The following ITLN2 variants were observed in gnomAD, a reference collection of about 807,000 sequenced individuals.
The protein encoded by ITLN2 is intelectin 2, also known as intelectin-2.
Under a neutral mutation model 39.4 loss-of-function variants are expected in ITLN2, and 29 were observed. The observed-to-expected ratio is 0.74, with a 90% CI of 0.55 to 1.00. The LOEUF is 1.00. ITLN2 is among the 50% of genes least tolerant of loss of function. The probability of loss-of-function intolerance (pLI) is 0.00; values close to 1 mark genes in which losing one functional copy is unlikely to be tolerated. For synonymous variants in ITLN2, 156 were observed against 153.4 expected, an observed-to-expected ratio of 1.02 and a Z score of -0.12; for missense variants, 412 against 416.7, an observed-to-expected ratio of 0.99 and a Z score of 0.10.
At chr1:160,947,429 G>A (rs1185923148) in intron 7 of ITLN2, among the ~76,000 whole-genome samples, 1 of 152,130 alleles carries the variant, frequency 6.6e-6, no homozygotes, top group Admixed American at 6.5e-5. Flanking sequence ...TACCTCAACT[G>A]CAAAGAAGCC....
At position 160,951,157 on chromosome 1, in the gene ITLN2, A is replaced by AC; in HGVS notation, c.326dup (p.Asp110Ter). Reference sequence around the variant, plus strand: ...TGCCCTGCTGACTGGACCAGCGATCACCCACCGTGCACTTCCCACGCATGT... The same window carrying AC: ...TGCCCTGCTGACTGGACCAGCGATCACCCCACCGTGCACTTCCCACGCATGT... On this transcript the variant is annotated frameshift_variant, in exon 4 of 8. Transcript: ENST00000368029. LOFTEE classifies it high-confidence loss of function. 1 of 1,613,928 alleles carries AC rather than the reference A, an allele frequency of 6.2e-7. No individual in the cohort carries two copies. Among genetic ancestry groups the AC allele is most frequent in the Non-Finnish European group, 8.5e-7 (1 of 1,179,966 alleles).
In ITLN2 at chr1:160,950,080, C is replaced by A; in HGVS notation, c.687G>T (p.Lys229Asn). 1 of 1,613,852 alleles carries A rather than the reference C, an allele frequency of 6.2e-7. No individual in the cohort carries two copies. Among genetic ancestry groups the A allele is most frequent in the Non-Finnish European group, 8.5e-7 (1 of 1,179,742 alleles). Residue 229 changes from lysine to asparagine, a missense_variant, in exon 6 of 8, where the codon AAG (lysine) becomes AAT (asparagine). By Grantham distance (94) the Lys-to-Asn change is moderately conservative (BLOSUM62 0). Coordinates refer to ENST00000368029, the MANE Select transcript of ITLN2 (RefSeq NM_080878.3). ...ACGGTGAGTAATAAGATGCAGTCTT[C>A]TTAGCATCACCAAAGTCATAGACCA... ...IPVVYDFGDA[K>N]KTASYYSPYG... is the part of the protein sequence containing the mutation.
At position 160,954,794 on chromosome 1, in the gene ITLN2, C is replaced by T; in HGVS notation, c.-53G>A. Reference sequence around the variant, plus strand: ...CCCTTCCTGTGGACACTCGGAGCTCCCCTGCAGAGGATCCTGATGAAGGGT... The same window carrying T: ...CCCTTCCTGTGGACACTCGGAGCTCTCCTGCAGAGGATCCTGATGAAGGGT... On this transcript the variant is annotated 5_prime_UTR_variant, in exon 1 of 8. Coordinates refer to ENST00000368029, the MANE Select transcript of ITLN2 (RefSeq NM_080878.3). 1 of 1,601,042 alleles carries T rather than the reference C, an allele frequency of 6.2e-7. No individual in the cohort carries two copies. The highest frequency in any genetic ancestry group is 8.6e-7 in the Non-Finnish European group (1 of 1,169,150).
Position 160,951,088 on chromosome 1 carries a change from G to A in ITLN2, c.396C>T (p.Tyr132=). The change falls in exon 4 of 8, where the codon TAC becomes TAT. Residue 132 remains tyrosine, a synonymous_variant. Transcript: ENST00000368029. ...YPEGDGNWAN[Y]NTFGSAEAAT... ...CCGCCTCTGCAGATCCAAAGGTGTTGTAGTTGGCCCAGTTGCCATCCCCCT... is the reference window on the plus strand; with the variant it reads ...CCGCCTCTGCAGATCCAAAGGTGTTATAGTTGGCCCAGTTGCCATCCCCCT... The A allele has an allele frequency of 6.2e-7, 1 of 1,614,184 alleles. No homozygotes were observed. The highest frequency in any genetic ancestry group is 8.5e-7 in the Non-Finnish European group (1 of 1,180,034).
chr1:160,952,862 T>C (rs1013072927), intron 2 of ITLN2, 129 bp from the exon 3 acceptor site: 5 of 653,120 alleles, frequency 7.7e-6, no homozygotes, highest in Non-Finnish European at 1.3e-5. Context: ...TTCCCTATGC[T>C]AAGACGGTCT....
intron 3 of ITLN2, among the ~76,000 whole-genome samples, chr1:160,952,112 T>C (rs1047298537): frequency 6.6e-6 from 1 of 152,214 alleles, no homozygotes. Context: ...CTGACACTTT[T>C]GCCGATCTTG....
In ITLN2 at chr1:160,950,173, A is replaced by AGACCCAGAAGAAAGGTTTTGT. The variant is rs762060834; in HGVS notation, c.601-28_601-8dup. The AGACCCAGAAGAAAGGTTTTGT allele has an allele frequency of 6.2e-7, 1 of 1,613,796 alleles. No individual in the cohort carries two copies. The highest frequency in any genetic ancestry group is 8.5e-7 in the Non-Finnish European group (1 of 1,179,754). On this transcript the variant is annotated splice_polypyrimidine_tract_variant and splice_region_variant and intron_variant, in intron 5 of 7. Coordinates refer to ENST00000368029, the MANE Select transcript of ITLN2 (RefSeq NM_080878.3). ...TGTATTTCACTGGGTATTTCTGCAG[A>AGACCCAGAAGAAAGGTTTTGT]GACCCAGAAGAAAGGTTTTGTGAGG...
chr1:160,950,473 G>A lies in ITLN2; in HGVS notation c.600+80C>T. ...CACTCAGTAGTGATGTGGAACCACAGGACAGATCTGCCCCCTACCCTAGAC... is the reference window on the plus strand; with the variant it reads ...CACTCAGTAGTGATGTGGAACCACAAGACAGATCTGCCCCCTACCCTAGAC... On this transcript the variant is annotated intron_variant, in intron 5 of 7. Coordinates refer to ENST00000368029, the MANE Select transcript of ITLN2 (RefSeq NM_080878.3). 4 of 1,511,700 alleles carry A rather than the reference G, an allele frequency of 2.6e-6. No homozygotes were observed. The South Asian group carries it at 5.0e-5, about 19-fold the overall frequency. The allele number at this position is 1,511,700 out of a possible 1,614,324, so 93.6% of individuals were successfully genotyped here.
At chr1:160,946,834 T>C (rs1671616192) in intron 7 of ITLN2, among the ~76,000 whole-genome samples, 2 of 149,420 alleles carry the variant, frequency 1.3e-5, no homozygotes, top group Non-Finnish European at 3.0e-5. Context: ...AGTAAGCGAG[T>C]AACCACAGAG....
intron 3 of ITLN2, among the ~76,000 whole-genome samples, chr1:160,952,232 G>A (rs2101940580): frequency 1.3e-5 from 2 of 152,336 alleles, no homozygotes; most frequent in Middle Eastern, 6.8e-3. Context: ...TTGGGCAGAT[G>A]TCACCTGGCC....
intron 2 of ITLN2, among the ~76,000 whole-genome samples, chr1:160,953,863 A>T (rs1205247680): frequency 6.6e-6 from 1 of 152,206 alleles, no homozygotes; most frequent in East Asian, 1.9e-4. Flanking sequence ...AAATGAGATG[A>T]CATATGTAAA....
At chr1:160,945,346 A>G (rs1409853202) in intron 7 of ITLN2, 54 bp from the exon 8 acceptor site, 2 of 1,470,466 alleles carry the variant, frequency 1.4e-6, no homozygotes, top group Non-Finnish European at 1.8e-6. Context: ...TGCTGACACC[A>G]GTGAGCGCAA....
intron 7 of ITLN2, among the ~76,000 whole-genome samples, chr1:160,947,617 T>G (rs1386496143): frequency 3.9e-5 from 6 of 152,168 alleles, no homozygotes; most frequent in African/African-American, 1.4e-4. Context: ...GTGCATTGTG[T>G]CCCTGGTTTA....
At chr1:160,948,113 T>A in intron 6 of ITLN2, 81 bp from the exon 7 acceptor site, 1 of 1,131,854 alleles carries the variant, frequency 8.8e-7, no homozygotes, top group African/African-American at 1.5e-5. Context: ...GTCCAGGGAT[T>A]CCCTAAGCCA....
In ITLN2 at chr1:160,954,728, A is replaced by G. The variant is rs1570978580; in HGVS notation, c.14T>C (p.Leu5Pro). ...ATGGATCAAAAACATTTTTCTCACC[A>G]GCATGGACAGCATCCTTACAGATGC... MLSMLRTMTRLCFLL... is the reference protein window; with the variant it reads MLSMPRTMTRLCFLL... Residue 5 changes from leucine (L) to proline (P), a missense_variant and splice_region_variant, in exon 1 of 8, where the codon CTG (leucine) becomes CCG (proline). By Grantham distance (98) the Leu-to-Pro change is moderately conservative. Transcript: ENST00000368029. 1 of 1,614,088 alleles carries G rather than the reference A, an allele frequency of 6.2e-7. No individual in the cohort carries two copies. Among genetic ancestry groups the G allele is most frequent in the East Asian group, 2.2e-5 (1 of 44,892 alleles).
intron 7 of ITLN2, among the ~76,000 whole-genome samples, chr1:160,946,872 A>G (rs551025098): frequency 6.6e-6 from 1 of 152,316 alleles, no homozygotes; most frequent in African/African-American, 2.4e-5. Flanking sequence ...CCACACAGGT[A>G]CACACATGTG....
chr1:160,945,410 G>A (rs1326097282), intron 7 of ITLN2, 118 bp from the exon 8 acceptor site: 3 of 894,866 alleles, frequency 3.4e-6, no homozygotes, highest in East Asian at 5.8e-5. Context: ...GCCTCCCAAA[G>A]TGCTAGGATT....
In ITLN2 at chr1:160,951,119, T is replaced by A; in HGVS notation, c.365A>T (p.Tyr122Phe). 1 of 1,614,152 alleles carries A rather than the reference T, an allele frequency of 6.2e-7. No homozygotes were observed. Among genetic ancestry groups the A allele is most frequent in the East Asian group, 2.2e-5 (1 of 44,874 alleles). ...WSSQQGNKAD[Y>F]PEGDGNWANY... is the part of the protein sequence containing the mutation. ...GGCCCAGTTGCCATCCCCCTCTGGG[T>A]AGTCTGCTTTGTTGCCCTGCTGACT... The change falls in exon 4 of 8, where the codon TAC becomes TTC. Residue 122 changes from tyrosine (Y) to phenylalanine (F), a missense_variant. Tyr to Phe is a conservative substitution (Grantham distance 22). Transcript: ENST00000368029.
rs768074035 is a variant in ITLN2, at chr1:160,945,272, C to T, written c.846G>A (p.Gly282=). 9 of 1,573,458 alleles carry T rather than the reference C, an allele frequency of 5.7e-6. No individual in the cohort carries two copies. The East Asian group carries it at 1.9e-4, about 32-fold the overall frequency. ...GACGGGGTTTGCCCTGTGGGAAGAA[C>T]CCTCCTCCACCGATGCAGTGCTGGG... The part of the protein sequence containing the change: ...NTEHHCIGGG[G]FFPQGKPRQC... Residue 282 remains glycine, a synonymous_variant, in exon 8 of 8, where the codon GGG becomes GGA. Coordinates refer to ENST00000368029, the MANE Select transcript of ITLN2 (RefSeq NM_080878.3).
Sources: allele counts gnomAD v4.1 joint callset (sites outside exome capture counted in the v4.1 genomes callset), GRCh38; gene constraint gnomAD v4.1.1; transcripts MANE v1.5; gene names NCBI Gene and HGNC (gene_info 2026-07-23, HGNC 2026-07-21).